Variants in GOLGA4 observed in about 807,000 individuals in gnomAD.
GOLGA4 encodes the protein golgin A4.
In GOLGA4, 169 loss-of-function variants were observed where a neutral mutation model predicts 265.9. That is an observed-to-expected ratio of 0.64 (90% CI 0.56 to 0.72). The LOEUF (loss-of-function observed/expected upper bound fraction) is 0.72. Ranked by LOEUF, GOLGA4 falls within the 30% of genes least tolerant of loss-of-function variation. GOLGA4 has a pLI of 0.00. For missense variants in GOLGA4, 2,482 were observed against 2,483.4 expected, an observed-to-expected ratio of 1.00 and a Z score of 0.01; for synonymous variants, 923 against 855.8, an observed-to-expected ratio of 1.08 and a Z score of -1.37.
chr3:37,357,637 A>G (rs987620811), intron 22 of GOLGA4, among the ~76,000 whole-genome samples: 2 of 152,176 alleles, frequency 1.3e-5, no homozygotes, highest in Non-Finnish European at 2.9e-5. Context: ...TGATTGTTTC[A>G]CGAGTATAAG....
chr3:37,346,780 A>G (rs2097057969), intron 20 of GOLGA4, among the ~76,000 whole-genome samples: 1 of 152,202 alleles, frequency 6.6e-6, no homozygotes, highest in African/African-American at 2.4e-5. Context: ...CTAGTAGTAC[A>G]CGAGTCTCCA....
chr3:37,312,262 CTAAT>C (rs2096925067), intron 10 of GOLGA4, among the ~76,000 whole-genome samples: 1 of 152,172 alleles, frequency 6.6e-6, no homozygotes, highest in Admixed American at 6.5e-5. Flanking sequence ...TCAACACAAA[CTAAT>C]TAGGCAGTAA....
chr3:37,257,906 T>TAC (rs2096753804), intron 2 of GOLGA4, among the ~76,000 whole-genome samples: 1 of 127,368 alleles, frequency 7.9e-6, no homozygotes, highest in Admixed American at 8.3e-5. Flanking sequence ...TATATATATA[T>TAC]ATATATATGT....
intron 1 of GOLGA4, among the ~76,000 whole-genome samples, chr3:37,248,718 C>T (rs372967292): frequency 6.6e-6 from 1 of 151,650 alleles, no homozygotes; most frequent in Non-Finnish European, 1.5e-5. Context: ...TTGTAAACCC[C>T]GTTATTTGAT....
chr3:37,263,603 GTTTA>G (rs775689430), intron 2 of GOLGA4, among the ~76,000 whole-genome samples: 60 of 152,212 alleles, frequency 3.9e-4, no homozygotes, highest in African/African-American at 1.4e-3. Context: ...ATGTATGTGT[GTTTA>G]TTTAGGAAGG....
At position 37,286,012 on chromosome 3, in the gene GOLGA4, A is replaced by G; in HGVS notation, c.478-2A>G. On this transcript the variant is annotated splice_acceptor_variant, in intron 3 of 23. Transcript: ENST00000361924. LOFTEE classifies it high-confidence loss of function. ...CTAATGTTGTTGATGACTATATTTT[A>G]GCTTGTTACAGCTTATCAGATGCTT... 1 of 1,544,128 alleles carries G rather than the reference A, an allele frequency of 6.5e-7. No individual in the cohort carries two copies. The highest frequency in any genetic ancestry group is 1.2e-5 in the South Asian group (1 of 86,720).
chr3:37,247,944 ATTAGT>A (rs1300892271), intron 1 of GOLGA4, among the ~76,000 whole-genome samples: 2 of 152,168 alleles, frequency 1.3e-5, no homozygotes, highest in Non-Finnish European at 2.9e-5. Context: ...GGCTTATGTA[ATTAGT>A]TTAGACCCAT....
At chr3:37,316,763 C>G (rs2096938682) in intron 11 of GOLGA4, among the ~76,000 whole-genome samples, 1 of 151,920 alleles carries the variant, frequency 6.6e-6, no homozygotes. Context: ...GAGTATATTT[C>G]CCAGAGATAG....
rs534052602 is a variant in GOLGA4 at position 37,351,672 on chromosome 3, ATC to A, written c.6577-3428_6577-3427del. On this transcript the variant is annotated intron_variant, in intron 21 of 23. Transcript: ENST00000361924. ...AAAACAATTTAATCTTGCTATCTCCATCAGAGTTTCTGGGTGACCAGGTGTAT... is the reference window on the plus strand; with the variant it reads ...AAAACAATTTAATCTTGCTATCTCCAAGAGTTTCTGGGTGACCAGGTGTAT... 1.4e-4 allele frequency among the ~76,000 whole-genome samples: 21 copies of A among 152,280 alleles called. No homozygotes were observed. The South Asian group carries it at 4.4e-3, about 32-fold the overall frequency.
At chr3:37,344,805 T>G (rs1383042170) in intron 20 of GOLGA4, among the ~76,000 whole-genome samples, 1 of 152,250 alleles carries the variant, frequency 6.6e-6, no homozygotes, top group Non-Finnish European at 1.5e-5. Flanking sequence ...GGGAGGATTT[T>G]GATTAGGCTT....
chr3:37,322,393 G>A (rs1028018869), intron 13 of GOLGA4, among the ~76,000 whole-genome samples: 1 of 152,058 alleles, frequency 6.6e-6, no homozygotes, highest in Non-Finnish European at 1.5e-5. Context: ...CAGAGTGTAC[G>A]TTTTTTTAAA....
At chr3:37,277,040 T>G (rs954445608) in intron 2 of GOLGA4, among the ~76,000 whole-genome samples, 1 of 152,260 alleles carries the variant, frequency 6.6e-6, no homozygotes, top group African/African-American at 2.4e-5. Flanking sequence ...AATATAATTT[T>G]AGGTTTACCA....
rs375308093 is a variant in GOLGA4, at chr3:37,329,041, A to T, written c.6140A>T (p.Glu2047Val). ...ETNQLLKKIA[E>V]KDDDLKRTAK... ...AATCAGTTACTTAAAAAAATTGCTG[A>T]GAAAGATGATGATCTAAAACGAACA... is the stretch of plus-strand genomic sequence containing the variant. The change falls in exon 16 of 24, where the codon GAG becomes GTG. Residue 2047 changes from glutamate to valine, a missense_variant. Glu to Val is a moderately radical substitution (Grantham distance 121). This residue lies in a region of GOLGA4 where 942 missense variants were observed against 983.1 expected (regional missense o/e 0.96). Coordinates refer to ENST00000361924, the MANE Select transcript of GOLGA4 (RefSeq NM_002078.5). The T allele has an allele frequency of 6.2e-7, 1 of 1,611,666 alleles. No individual in the cohort carries two copies. The highest frequency in any genetic ancestry group is 8.5e-7 in the Non-Finnish European group (1 of 1,178,758).
chr3:37,334,992 T>C, intron 16 of GOLGA4, 61 bp from the exon 17 acceptor site: 1 of 1,033,818 alleles, frequency 9.7e-7, no homozygotes, highest in Non-Finnish European at 1.4e-6. Flanking sequence ...TTTTGATGTG[T>C]TTGTTTACTA....
intron 2 of GOLGA4, among the ~76,000 whole-genome samples, chr3:37,266,149 T>C (rs2096783076): frequency 6.6e-6 from 1 of 151,868 alleles, no homozygotes; most frequent in South Asian, 2.1e-4. Context: ...TGTCCTGTCA[T>C]GTATTTTTTT....
chr3:37,321,057 A>G (rs531025038), intron 12 of GOLGA4, among the ~76,000 whole-genome samples: 80 of 152,352 alleles, frequency 5.3e-4, no homozygotes, highest in South Asian at 1.7e-3. Flanking sequence ...ATAGGTATGG[A>G]TAAGTACACT....
intron 21 of GOLGA4, among the ~76,000 whole-genome samples, chr3:37,354,117 T>C (rs2097083454): frequency 6.6e-6 from 1 of 152,084 alleles, no homozygotes; most frequent in Admixed American, 6.6e-5. Flanking sequence ...ATAATTGTGA[T>C]ACTTTTTTTC....
At chr3:37,282,893 A>G (rs1297704629) in intron 3 of GOLGA4, among the ~76,000 whole-genome samples, 7 of 152,198 alleles carry the variant, frequency 4.6e-5, no homozygotes, top group Non-Finnish European at 1.0e-4. Context: ...CTTTCAGGCT[A>G]AATTTTATTT....
chr3:37,366,432 T>A lies in GOLGA4; in HGVS notation c.*386T>A, dbSNP rs1696753803. 1 of 254,018 alleles carries A rather than the reference T, an allele frequency of 3.9e-6. No homozygotes were observed. 15.7% of individuals were successfully genotyped at this position (254,018 alleles called of 1,614,324 possible). On this transcript the variant is annotated 3_prime_UTR_variant, in exon 24 of 24. Transcript: ENST00000361924. Reference sequence around the variant, plus strand: ...CCTATTTATTTTTAGGGTGATTTTTTAAAAAGACTTGTGCAATACATTTTG... The same window carrying A: ...CCTATTTATTTTTAGGGTGATTTTTAAAAAAGACTTGTGCAATACATTTTG...
Sources: allele counts gnomAD v4.1 joint callset (sites outside exome capture counted in the v4.1 genomes callset), GRCh38; gene constraint gnomAD v4.1.1; regional missense constraint gnomAD v4.1.1; transcripts MANE v1.5; gene names NCBI Gene and HGNC (gene_info 2026-07-23, HGNC 2026-07-21).